The following NTN4 variants were observed in gnomAD, a reference collection of about 807,000 sequenced individuals.
NTN4 encodes the protein netrin-4.
Under a neutral mutation model 73.6 loss-of-function variants are expected in NTN4, and 32 were observed. The observed-to-expected ratio is 0.44, with a 90% CI of 0.33 to 0.58. The LOEUF is 0.58. Ranked by LOEUF, NTN4 falls within the 20% of genes least tolerant of loss-of-function variation. The probability of loss-of-function intolerance (pLI) is 0.04; values close to 1 mark genes in which losing one functional copy is unlikely to be tolerated. For missense variants in NTN4, 654 were observed against 798.3 expected (o/e 0.82, Z 2.18); for synonymous variants, 258 against 287.5 (o/e 0.90, Z 1.04).
intron 9 of NTN4, among the ~76,000 whole-genome samples, chr12:95,660,895 T>C (rs2078132487): frequency 6.6e-6 from 1 of 152,186 alleles, no homozygotes; most frequent in African/African-American, 2.4e-5. Context: ...CATACAGGCC[T>C]CTTGGAAAAC....
chr12:95,675,891 C>T (rs1414733515), intron 7 of NTN4, among the ~76,000 whole-genome samples: 2 of 152,020 alleles, frequency 1.3e-5, no homozygotes, highest in African/African-American at 4.8e-5. Context: ...AACAATAAAC[C>T]AACCACGTAC....
rs551227213 is a variant in NTN4, at chr12:95,698,003, C to T, written c.1180+12438G>A. On this transcript the variant is annotated intron_variant, in intron 5 of 9. Transcript: ENST00000343702. Reference sequence around the variant, plus strand: ...TACAGTATAACAACTATTTACACAGCATTTACATTGTATTAGGTATTATAA... The same window carrying T: ...TACAGTATAACAACTATTTACACAGTATTTACATTGTATTAGGTATTATAA... Among the ~76,000 whole-genome samples the T allele has an allele frequency of 1.7e-4, 26 of 152,240 alleles. No individual in the cohort carries two copies. The East Asian group carries it at 4.6e-3, about 27-fold the overall frequency.
chr12:95,777,809 A>T (rs1476930674), intron 2 of NTN4, among the ~76,000 whole-genome samples: 1 of 152,216 alleles, frequency 6.6e-6, no homozygotes, highest in African/African-American at 2.4e-5. Flanking sequence ...CTCTGCACCA[A>T]CTGGACCTAA....
intron 7 of NTN4, among the ~76,000 whole-genome samples, chr12:95,679,450 C>T (rs902379654): frequency 2.6e-5 from 4 of 152,284 alleles, no homozygotes; most frequent in South Asian, 2.1e-4. Flanking sequence ...ATAACTGCTA[C>T]TCTTCCAGTC....
chr12:95,770,365 G>A (rs1046440549), intron 2 of NTN4, among the ~76,000 whole-genome samples: 1 of 152,180 alleles, frequency 6.6e-6, no homozygotes. Context: ...CTATGGTTAC[G>A]AAAGGAAGAG....
At chr12:95,694,319 G>GGCGGCCACTCCCTCCGC (rs11270537) in intron 5 of NTN4, among the ~76,000 whole-genome samples, 11,171 of 151,712 alleles carry the variant, frequency 0.074, 1,327 homozygotes, top group African/African-American at 0.25. Context: ...CCAAGACCCC[G>GGCGGCCACTCCCTCCGC]GCGGCCACTC....
intron 8 of NTN4, among the ~76,000 whole-genome samples, chr12:95,667,056 T>TG (rs2120927449): frequency 6.6e-6 from 1 of 152,360 alleles, no homozygotes; most frequent in Non-Finnish European, 1.5e-5. Flanking sequence ...CTGTATGACT[T>TG]ATGATTCTAT....
chr12:95,728,071 G>T lies in NTN4; in HGVS notation c.864+9795C>A, dbSNP rs551884713. 7.1e-4 allele frequency among the ~76,000 whole-genome samples: 108 copies of T among 151,890 alleles called. 1 individual carries two copies. Among genetic ancestry groups the T allele is most frequent in the Non-Finnish European group, 1.3e-3 (89 of 67,988 alleles). On this transcript the variant is annotated intron_variant, in intron 3 of 9. Transcript: ENST00000343702. ...TCTTTTTTGATGCTACTGTAAATGA[G>T]ATTTTCTTAATTTCATTTTTGGATT...
At chr12:95,697,691 ATTT>A (rs2078452668) in intron 5 of NTN4, among the ~76,000 whole-genome samples, 1 of 150,536 alleles carries the variant, frequency 6.6e-6, no homozygotes, top group African/African-American at 2.4e-5. Context: ...TAAAATATAT[ATTT>A]TATTATTTCT....
intron 3 of NTN4, among the ~76,000 whole-genome samples, chr12:95,721,500 C>A (rs902705353): frequency 6.6e-6 from 1 of 152,160 alleles, no homozygotes; most frequent in Admixed American, 6.5e-5. Context: ...CCACTGCAAG[C>A]CTCAACAAGT....
At chr12:95,772,886 T>C (rs4482101) in intron 2 of NTN4, among the ~76,000 whole-genome samples, 43,496 of 151,966 alleles carry the variant, frequency 0.29, 6,731 homozygotes, top group South Asian at 0.39. Flanking sequence ...TCCCTCACCC[T>C]CCTTCCCTCT....
At chr12:95,773,302 C>A (rs768284612) in intron 2 of NTN4, among the ~76,000 whole-genome samples, 2 of 152,214 alleles carry the variant, frequency 1.3e-5, no homozygotes, top group Non-Finnish European at 2.9e-5. Context: ...CCATGCCTGG[C>A]CTCCAATGGC....
chr12:95,755,296 G>A (rs1349335520), intron 2 of NTN4, among the ~76,000 whole-genome samples: 1 of 152,208 alleles, frequency 6.6e-6, no homozygotes, highest in Non-Finnish European at 1.5e-5. Context: ...ATCCTAGTAT[G>A]TTCTGAAACG....
intron 3 of NTN4, among the ~76,000 whole-genome samples, chr12:95,714,688 A>G (rs895574536): frequency 1.4e-4 from 22 of 152,160 alleles, no homozygotes; most frequent in African/African-American, 5.1e-4. Context: ...ACAGCTGTGG[A>G]GGGCTTTATG....
intron 2 of NTN4, among the ~76,000 whole-genome samples, chr12:95,747,819 A>G (rs1304677942): frequency 6.6e-6 from 1 of 152,184 alleles, no homozygotes; most frequent in African/African-American, 2.4e-5. Context: ...ATTAATAAGC[A>G]AAAATTCTAG....
At chr12:95,748,892 C>T (rs184776090) in intron 2 of NTN4, among the ~76,000 whole-genome samples, 1 of 152,374 alleles carries the variant, frequency 6.6e-6, no homozygotes, top group East Asian at 1.9e-4. Context: ...GCCAAGCCAT[C>T]GCATCCCCTG....
chr12:95,741,444 T>TAC (rs1339277936), intron 2 of NTN4, among the ~76,000 whole-genome samples: 1 of 105,418 alleles, frequency 9.5e-6, no homozygotes, highest in African/African-American at 4.8e-5. Flanking sequence ...TATATATATA[T>TAC]ATATATATAT....
At chr12:95,772,193 C>T (rs942036695) in intron 2 of NTN4, among the ~76,000 whole-genome samples, 2 of 152,022 alleles carry the variant, frequency 1.3e-5, no homozygotes, top group African/African-American at 4.8e-5. Flanking sequence ...GTGTGTGCCA[C>T]CACATCTAGC....
At chr12:95,763,938 T>G (rs1472173088) in intron 2 of NTN4, among the ~76,000 whole-genome samples, 3 of 152,190 alleles carry the variant, frequency 2.0e-5, no homozygotes, top group Non-Finnish European at 4.4e-5. Flanking sequence ...AAAACTGGAA[T>G]GCAAGACTGA....
Sources: allele counts gnomAD v4.1 joint callset (sites outside exome capture counted in the v4.1 genomes callset), GRCh38; gene constraint gnomAD v4.1.1; transcripts MANE v1.5; gene names NCBI Gene and HGNC (gene_info 2026-07-23, HGNC 2026-07-21).